Variants in DNAH1 observed in about 807,000 individuals in gnomAD.
DNAH1 encodes axonemal beta dynein heavy chain 1.
In DNAH1, 327 loss-of-function variants were observed where a neutral mutation model predicts 484.3. That is an observed-to-expected ratio of 0.68 (90% CI 0.62 to 0.74). The LOEUF (loss-of-function observed/expected upper bound fraction) is 0.74. DNAH1 is among the 30% of genes least tolerant of loss of function. The pLI, the probability that DNAH1 is intolerant of heterozygous loss-of-function variation, is 0.00. For synonymous variants in DNAH1, 2,192 were observed against 2,191.9 expected, an observed-to-expected ratio of 1.00 and a Z score of 0.00; for missense variants, 5,052 against 5,546.8, an observed-to-expected ratio of 0.91 and a Z score of 2.83.
chr3:52,359,953 C>T lies in DNAH1; in HGVS notation c.4445C>T (p.Ser1482Phe), dbSNP rs1702785762. ...GTGGCCCTTGTGCGGGGGAAGCTGT[C>T]CCGCATGCAGCGGGCAGTGCTGTCA... Reference protein sequence around the residue: ...DLVALVRGKLSRMQRAVLSAL... With the variant: ...DLVALVRGKLFRMQRAVLSAL... Residue 1482 changes from serine (S) to phenylalanine (F), a missense_variant, in exon 27 of 78, where the codon TCC becomes TTC. Around this residue, in one of 4 missense-constraint regions of DNAH1, gnomAD observed 2,929 missense variants for 3,409.4 expected, o/e 0.86. Coordinates refer to ENST00000420323, the MANE Select transcript of DNAH1 (RefSeq NM_015512.5). The T allele has an allele frequency of 1.2e-6, 2 of 1,613,762 alleles. No individual in the cohort carries two copies. Among genetic ancestry groups the T allele is most frequent in the African/African-American group, 1.3e-5 (1 of 74,930 alleles).
In DNAH1 at chr3:52,396,332, T is replaced by G. The variant is rs373907324; in HGVS notation, c.11260-36T>G. 14 of 1,547,088 alleles carry G rather than the reference T, an allele frequency of 9.0e-6. No individual in the cohort carries two copies. In the South Asian group the frequency reaches 1.7e-4, roughly 18 times the overall value. On this transcript the variant is annotated intron_variant, in intron 70 of 77. Transcript: ENST00000420323. ...CTGGTGTCAGGGTGGCCACCAGATA[T>G]GGGTCTCAATGCTCACGTGGAGCCA... is the stretch of plus-strand genomic sequence containing the variant.
chr3:52,367,567 A>T (rs1395095654), intron 36 of DNAH1, among the ~76,000 whole-genome samples: 7 of 151,392 alleles, frequency 4.6e-5, no homozygotes, highest in Admixed American at 4.6e-4. Context: ...AAAAAAAATT[A>T]TTCAATGATC....
rs758007555 is a variant in DNAH1, at chr3:52,396,796, A to C, written c.11609A>C (p.Lys3870Thr). Residue 3870 changes from lysine to threonine, a missense_variant and splice_region_variant, in exon 72 of 78, where the codon AAG becomes ACG. Around this residue, in one of 4 missense-constraint regions of DNAH1, gnomAD observed 853 missense variants for 899.0 expected, o/e 0.95. Transcript: ENST00000420323. The part of the protein sequence containing the change: ...FLDEYDDIPY[K>T]VLKYTAGEIN... ...GACGAATATGATGACATCCCCTACA[A>C]GGTGGGCCTGGGGCAGACTGGGGCC... 2 of 1,613,230 alleles carry C rather than the reference A, an allele frequency of 1.2e-6. No homozygotes were observed. Among genetic ancestry groups the C allele is most frequent in the African/African-American group, 2.7e-5 (2 of 74,894 alleles).
chr3:52,397,157 C>G (rs1704673982), intron 73 of DNAH1, 113 bp downstream of exon 73: 1 of 1,023,262 alleles, frequency 9.8e-7, no homozygotes, highest in African/African-American at 1.6e-5. Context: ...CCTCCATCAG[C>G]TGTCTTTTCA....
chr3:52,364,381 C>G lies in DNAH1; in HGVS notation c.5245-257C>G, dbSNP rs903403487. ...TCCTGCCCCTGGCCATGTGCTGGGA[C>G]AGTGACCAAAGGATGCAGAATGGGT... is the stretch of plus-strand genomic sequence containing the variant. On this transcript the variant is annotated intron_variant, in intron 32 of 77. Transcript: ENST00000420323. The surrounding 1 kb of genome is among the most constrained non-coding windows in gnomAD (Gnocchi z 4.2). 1.3e-5 allele frequency among the ~76,000 whole-genome samples: 2 copies of G among 152,234 alleles called. No homozygotes were observed. Among genetic ancestry groups the G allele is most frequent in the Non-Finnish European group, 2.9e-5 (2 of 68,046 alleles).
rs776255993 is a variant in DNAH1, at chr3:52,327,863, T to A, written c.739-19T>A. 1 of 1,611,692 alleles carries A rather than the reference T, an allele frequency of 6.2e-7. No individual in the cohort carries two copies. The highest frequency in any genetic ancestry group is 8.5e-7 in the Non-Finnish European group (1 of 1,177,956). ...CTAGAGGAGCTGCTTCTTCCCAATGTTGGCCTGCTTTCTTCCAGGTATTTG... is the reference window on the plus strand; with the variant it reads ...CTAGAGGAGCTGCTTCTTCCCAATGATGGCCTGCTTTCTTCCAGGTATTTG... On this transcript the variant is annotated intron_variant, in intron 5 of 77. Transcript: ENST00000420323.
chr3:52,370,615 C>T lies in DNAH1; in HGVS notation c.6397C>T (p.Leu2133Phe), dbSNP rs199569114. The change falls in exon 40 of 78, where the codon CTC (leucine) becomes TTC (phenylalanine). Residue 2133 changes from leucine (L) to phenylalanine (F), a missense_variant. This residue lies in a region of DNAH1 where 2,929 missense variants were observed against 3,409.4 expected (regional missense o/e 0.86). Coordinates refer to ENST00000420323, the MANE Select transcript of DNAH1 (RefSeq NM_015512.5). The stretch of plus-strand genomic sequence containing the variant: ...CACCAGTTTCAGCCACTGGCTAAGG[C>T]TCAAGATGGAGAACGAACAGGTGAG... ...GRTSFSHWLR[L>F]KMENEQLTLL... 11 of 1,612,234 alleles carry T rather than the reference C, an allele frequency of 6.8e-6. No individual in the cohort carries two copies. Among genetic ancestry groups the T allele is most frequent in the African/African-American group, 6.7e-5 (5 of 75,030 alleles).
intron 16 of DNAH1, among the ~76,000 whole-genome samples, chr3:52,351,678 TG>T (rs1405121090): frequency 6.6e-6 from 1 of 152,228 alleles, no homozygotes; most frequent in Non-Finnish European, 1.5e-5. Context: ...CACTTCCCCT[TG>T]GTCCCCATCA....
chr3:52,329,919 G>A (rs1701481637), intron 6 of DNAH1, among the ~76,000 whole-genome samples: 1 of 151,488 alleles, frequency 6.6e-6, no homozygotes, highest in Non-Finnish European at 1.5e-5. Context: ...AATAATTTTT[G>A]TGCCTCAGCC....
intron 44 of DNAH1, chr3:52,374,820 C>T (rs1169185634): frequency 1.9e-6 from 2 of 1,064,298 alleles, no homozygotes; most frequent in East Asian, 4.7e-5. Flanking sequence ...AAAAGAGAAG[C>T]TAAAAATGGA....
In DNAH1 at chr3:52,370,590, C is replaced by A; in HGVS notation, c.6372C>A (p.Arg2124=). 4.3e-6 allele frequency: 7 copies of A among 1,613,258 alleles called. No individual in the cohort carries two copies. The highest frequency in any genetic ancestry group is 5.9e-6 in the Non-Finnish European group (7 of 1,179,574). Residue 2124 remains arginine, a synonymous_variant, in exon 40 of 78, where the codon CGC becomes CGA. Transcript: ENST00000420323. The stretch of plus-strand genomic sequence containing the variant: ...GTGCCACTGGGGACAGCAGTGGCCG[C>A]ACCAGTTTCAGCCACTGGCTAAGGC... The part of the protein sequence containing the change: ...SVGATGDSSG[R]TSFSHWLRLK...
chr3:52,389,477 T>G lies in DNAH1; in HGVS notation c.9512T>G (p.Val3171Gly). Residue 3171 changes from valine (V) to glycine (G), a missense_variant, in exon 60 of 78, where the codon GTG becomes GGG. Physicochemically the swap from Val to Gly is moderately radical, Grantham distance 109. This residue lies in a region of DNAH1 where 2,929 missense variants were observed against 3,409.4 expected (regional missense o/e 0.86). Transcript: ENST00000420323. ...LGPFTGQYRTVLYDSWVKQLR... is the reference protein window; with the variant it reads ...LGPFTGQYRTGLYDSWVKQLR... ...TCTCCCCAGGGCCAGTACCGCACGG[T>G]GCTCTACGACAGCTGGGTCAAGCAG... is the stretch of plus-strand genomic sequence containing the variant. 1 of 1,610,062 alleles carries G rather than the reference T, an allele frequency of 6.2e-7. No individual in the cohort carries two copies. The highest frequency in any genetic ancestry group is 2.2e-5 in the East Asian group (1 of 44,706).
At chr3:52,384,235 G>A (rs9868332) in intron 52 of DNAH1, among the ~76,000 whole-genome samples, 1,702 of 152,330 alleles carry the variant, frequency 0.011, 33 homozygotes, top group African/African-American at 0.039. Context: ...AGGGTGCTGC[G>A]CACACAGCTG....
chr3:52,325,652 C>G (rs755275300), intron 3 of DNAH1, among the ~76,000 whole-genome samples: 1 of 152,170 alleles, frequency 6.6e-6, no homozygotes, highest in Non-Finnish European at 1.5e-5. Context: ...ACTTGAGGGT[C>G]CTGCAGGGCT....
intron 9 of DNAH1, among the ~76,000 whole-genome samples, chr3:52,344,993 G>A (rs1228556187): frequency 2.6e-5 from 4 of 152,154 alleles, no homozygotes; most frequent in Admixed American, 6.5e-5. Context: ...AGAGGAGACC[G>A]AGTCTCAGAG....
intron 57 of DNAH1, 31 bp from the exon 58 acceptor site, chr3:52,388,387 G>T (rs1704205960): frequency 1.2e-6 from 2 of 1,603,106 alleles, no homozygotes; most frequent in African/African-American, 2.7e-5. Flanking sequence ...GGGGTACTTG[G>T]CGAGCTAATC....
rs145381093 is a variant in DNAH1, at chr3:52,353,413, G to T, written c.3260G>T (p.Arg1087Leu). The T allele has an allele frequency of 6.8e-6, 11 of 1,613,348 alleles. No homozygotes were observed. In the East Asian group the frequency reaches 1.3e-4, roughly 20 times the overall value. The change falls in exon 20 of 78, where the codon CGC becomes CTC. Residue 1087 changes from arginine (R) to leucine (L), a missense_variant. Physicochemically the swap from Arg to Leu is moderately radical, Grantham distance 102. This residue lies in a region of DNAH1 where 2,929 missense variants were observed against 3,409.4 expected (regional missense o/e 0.86). Coordinates refer to ENST00000420323, the MANE Select transcript of DNAH1 (RefSeq NM_015512.5). The surrounding 1 kb of genome is among the most constrained non-coding windows in gnomAD (Gnocchi z 5.0). ...GAAGTGGCCTTGGACATCCGGGCCC[G>T]CATCGAGGAGTTCAAACCATACATC... ...CQEVALDIRA[R>L]IEEFKPYIPL...
Position 52,372,907 on chromosome 3 carries a change from T to G in DNAH1, c.6839T>G (p.Val2280Gly), listed in dbSNP as rs774430384. 2 of 1,612,666 alleles carry G rather than the reference T, an allele frequency of 1.2e-6. No individual in the cohort carries two copies. The highest frequency in any genetic ancestry group is 2.7e-5 in the African/African-American group (2 of 74,838). ...DSKLDKRRKG[V>G]FGPPLGRNFI... ...GCCCCTCCCCTCAGGCGGAAGGGTG[T>G]GTTTGGACCACCTCTGGGGCGCAAC... The change falls in exon 44 of 78, where the codon GTG becomes GGG. Residue 2280 changes from valine (V) to glycine (G), a missense_variant. Transcript: ENST00000420323.
chr3:52,399,769 G>T lies in DNAH1; in HGVS notation c.12666G>T (p.Leu4222=). 6.2e-7 allele frequency: 1 copy of T among 1,613,788 alleles called. No homozygotes were observed. The highest frequency in any genetic ancestry group is 1.1e-5 in the South Asian group (1 of 91,016). ...ACCTGTGCCCCATCTACAAGACACT[G>T]ACTCGTGCTGGTATGAGGCCTGGGA... is the stretch of plus-strand genomic sequence containing the variant. ...DFYLCPIYKT[L]TRAGTLSTTG... Residue 4222 remains leucine (L), a synonymous_variant, in exon 77 of 78, where the codon CTG becomes CTT. Transcript: ENST00000420323.
Sources: allele counts gnomAD v4.1 joint callset (sites outside exome capture counted in the v4.1 genomes callset), GRCh38; gene constraint gnomAD v4.1.1; regional missense constraint gnomAD v4.1.1; non-coding constraint Gnocchi (gnomAD v3.1); transcripts MANE v1.5; gene names NCBI Gene and HGNC (gene_info 2026-07-23, HGNC 2026-07-21).